The following NDST3 variants were observed in gnomAD, a reference collection of about 807,000 sequenced individuals.
The protein encoded by NDST3 is bifunctional heparan sulfate N-deacetylase/N-sulfotransferase 3.
A neutral mutation model predicts 96.1 loss-of-function variants in NDST3; 58 were observed. The ratio of observed to expected loss-of-function variants is 0.60; its 90% CI spans 0.49 to 0.75. The LOEUF is 0.75. Ranked by LOEUF, NDST3 falls within the 30% of genes least tolerant of loss-of-function variation. The pLI is 0.00. For missense variants in NDST3, 788 were observed against 1,034.2 expected (o/e 0.76, Z 3.27); for synonymous variants, 333 against 359.7 (o/e 0.93, Z 0.84).
chr4:118,190,033 T>A (rs10004592), intron 6 of NDST3, among the ~76,000 whole-genome samples: 370 of 152,118 alleles, frequency 2.4e-3, no homozygotes, highest in African/African-American at 8.5e-3. Context: ...ATAAAAAAAA[T>A]TTTAAATACA....
At chr4:118,043,473 A>T (rs549748626) in intron 1 of NDST3, among the ~76,000 whole-genome samples, 25 of 152,346 alleles carry the variant, frequency 1.6e-4, no homozygotes, top group African/African-American at 5.8e-4. Context: ...TACAAAGGAG[A>T]TGCTCTTTTC....
rs1315171493 is a variant in NDST3, at chr4:118,222,901, T to C, written c.1540-1590T>C. On this transcript the variant is annotated intron_variant, in intron 6 of 13. Transcript: ENST00000296499. ...GAATTCAAAGGGATTTCGAATGTAT[T>C]AGTATCATGAGGTTATATAGTATCT... Among the ~76,000 whole-genome samples the C allele has an allele frequency of 3.3e-5, 5 of 151,998 alleles. 1 individual carries two copies. The highest frequency in any genetic ancestry group is 2.6e-4 in the Admixed American group (4 of 15,242).
chr4:118,078,039 G>C (rs1298124945), intron 2 of NDST3, among the ~76,000 whole-genome samples: 1 of 152,184 alleles, frequency 6.6e-6, no homozygotes, highest in African/African-American at 2.4e-5. Context: ...TTAGAAGTGT[G>C]GGGGATGGAG....
At chr4:118,060,551 A>G (rs1211384530) in intron 2 of NDST3, among the ~76,000 whole-genome samples, 2 of 152,088 alleles carry the variant, frequency 1.3e-5, no homozygotes, top group Admixed American at 1.3e-4. Flanking sequence ...CATATAGTTA[A>G]TTGGATTATC....
intron 2 of NDST3, among the ~76,000 whole-genome samples, chr4:118,093,292 T>A (rs1162027780): frequency 1.3e-5 from 2 of 151,854 alleles, no homozygotes; most frequent in Non-Finnish European, 2.9e-5. Context: ...CCTTTTCTCC[T>A]CAAAACATGC....
intron 12 of NDST3, among the ~76,000 whole-genome samples, chr4:118,243,913 A>C (rs1741152611): frequency 6.6e-6 from 1 of 152,192 alleles, no homozygotes. Context: ...AACATACTAT[A>C]TACAAAGAAC....
intron 6 of NDST3, among the ~76,000 whole-genome samples, chr4:118,215,458 G>A (rs563093026): frequency 2.0e-5 from 3 of 152,056 alleles, no homozygotes; most frequent in African/African-American, 7.2e-5. Flanking sequence ...CAAAACCCAA[G>A]TCACAAATGG....
chr4:118,064,998 T>C (rs1054988443), intron 2 of NDST3, among the ~76,000 whole-genome samples: 1 of 152,186 alleles, frequency 6.6e-6, no homozygotes, highest in African/African-American at 2.4e-5. Flanking sequence ...AAAGGTTCTC[T>C]GCTTTTAAGG....
At position 118,054,187 on chromosome 4, in the gene NDST3, C is replaced by A; in HGVS notation, c.277C>A (p.Gln93Lys). 6.2e-7 allele frequency: 1 copy of A among 1,612,958 alleles called. No individual in the cohort carries two copies. The highest frequency in any genetic ancestry group is 1.7e-4 in the Middle Eastern group (1 of 6,056). ...FVESQYSSLG[Q>K]DIIMILESSR... ...AGAGAGCCAGTACTCATCTCTTGGT[C>A]AAGACATCATTATGATTCTAGAATC... Residue 93 changes from glutamine (Q) to lysine (K), a missense_variant, in exon 2 of 14, where the codon CAA becomes AAA. Gln to Lys is a moderately conservative substitution (Grantham distance 53). Around this residue, in one of 3 missense-constraint regions of NDST3, gnomAD observed 234 missense variants for 256.9 expected, o/e 0.91. Transcript: ENST00000296499.
At chr4:118,114,990 A>G in intron 4 of NDST3, 30 bp downstream of exon 4, 1 of 1,598,196 alleles carries the variant, frequency 6.3e-7, no homozygotes, top group Non-Finnish European at 8.6e-7. Flanking sequence ...GCATTGAAGT[A>G]GTGTACACTG....
intron 6 of NDST3, among the ~76,000 whole-genome samples, chr4:118,187,870 C>A (rs1737066568): frequency 6.6e-6 from 1 of 152,128 alleles, no homozygotes; most frequent in African/African-American, 2.4e-5. Flanking sequence ...GAAGCCAAGA[C>A]TCAAGTTCCC....
chr4:118,216,243 C>T (rs1739186912), intron 6 of NDST3, among the ~76,000 whole-genome samples: 1 of 151,954 alleles, frequency 6.6e-6, no homozygotes, highest in Non-Finnish European at 1.5e-5. Flanking sequence ...AAGAAGTGAT[C>T]AGAAGCACAT....
chr4:118,130,188 T>C (rs1224732839), intron 4 of NDST3, among the ~76,000 whole-genome samples: 29 of 152,130 alleles, frequency 1.9e-4, no homozygotes, highest in Admixed American at 1.8e-3. Context: ...TTATATTTAA[T>C]GTGATTATTT....
At chr4:118,115,659 T>C (rs1368573237) in intron 4 of NDST3, among the ~76,000 whole-genome samples, 1 of 152,100 alleles carries the variant, frequency 6.6e-6, no homozygotes. Context: ...ATAGTAAAAG[T>C]TTAAATAAGC....
chr4:118,040,994 C>A (rs1247468629), intron 1 of NDST3, among the ~76,000 whole-genome samples: 1 of 151,028 alleles, frequency 6.6e-6, no homozygotes, highest in African/African-American at 2.4e-5. Context: ...GTGATCTGCC[C>A]ACCTCAGCCT....
intron 2 of NDST3, among the ~76,000 whole-genome samples, chr4:118,084,963 A>G (rs1293798570): frequency 6.6e-6 from 1 of 152,166 alleles, no homozygotes; most frequent in African/African-American, 2.4e-5. Context: ...TACTAAAAAT[A>G]CAAAAACAAA....
At chr4:118,071,524 C>T (rs1311928748) in intron 2 of NDST3, among the ~76,000 whole-genome samples, 1 of 152,084 alleles carries the variant, frequency 6.6e-6, no homozygotes, top group Non-Finnish European at 1.5e-5. Context: ...TTGGCTTTCT[C>T]TTCCTGCATT....
intron 2 of NDST3, among the ~76,000 whole-genome samples, chr4:118,078,397 T>C (rs1727743463): frequency 6.6e-6 from 1 of 151,926 alleles, no homozygotes; most frequent in Non-Finnish European, 1.5e-5. Flanking sequence ...TTTCTGATTA[T>C]TTACATTTTC....
chr4:118,222,899 A>G (rs1449130265), intron 6 of NDST3, among the ~76,000 whole-genome samples: 3 of 152,130 alleles, frequency 2.0e-5, no homozygotes, highest in Admixed American at 1.3e-4. Flanking sequence ...TTTCGAATGT[A>G]TTAGTATCAT....
Sources: allele counts gnomAD v4.1 joint callset (sites outside exome capture counted in the v4.1 genomes callset), GRCh38; gene constraint gnomAD v4.1.1; regional missense constraint gnomAD v4.1.1; transcripts MANE v1.5; gene names NCBI Gene and HGNC (gene_info 2026-07-23, HGNC 2026-07-21).